RERE: variants seen among roughly 807,000 people sequenced by gnomAD.
RERE encodes the protein arginine-glutamic acid dipeptide repeats protein.
RERE carries 40 observed loss-of-function variants against 146.1 expected under a neutral mutation model. The ratio of observed to expected loss-of-function variants is 0.27; its 90% CI spans 0.21 to 0.36. The LOEUF (loss-of-function observed/expected upper bound fraction) is 0.36. Ranked by LOEUF, RERE falls within the 10% of genes least tolerant of loss-of-function variation. The pLI is 1.00. For synonymous variants in RERE, 1,003 were observed against 866.0 expected (o/e 1.16, Z -2.78); for missense variants, 1,933 against 2,138.7 (o/e 0.90, Z 1.90).
chr1:8,783,811 C>T (rs890028709), intron 1 of RERE, among the ~76,000 whole-genome samples: 2 of 152,136 alleles, frequency 1.3e-5, no homozygotes, highest in Admixed American at 6.5e-5. Context: ...TGAACATCTA[C>T]CTCAGAAGTC....
At chr1:8,397,335 C>T (rs1183800712) in intron 12 of RERE, among the ~76,000 whole-genome samples, 1 of 145,908 alleles carries the variant, frequency 6.9e-6, no homozygotes, top group East Asian at 1.9e-4. Context: ...TCAATCACTG[C>T]TGCCTTATTC....
intron 4 of RERE, among the ~76,000 whole-genome samples, chr1:8,558,147 G>C (rs897068424): frequency 2.2e-4 from 33 of 152,222 alleles, no homozygotes; most frequent in African/African-American, 7.0e-4. Context: ...CGAATCTCCA[G>C]ATAATAGAAC....
At chr1:8,574,339 T>TA (rs1646261579) in intron 4 of RERE, among the ~76,000 whole-genome samples, 2 of 111,040 alleles carry the variant, frequency 1.8e-5, no homozygotes, top group African/African-American at 7.0e-5. Flanking sequence ...CTATATATAG[T>TA]CTTTTTTTTT....
chr1:8,522,366 A>C (rs1220684860), intron 7 of RERE, among the ~76,000 whole-genome samples: 1 of 152,232 alleles, frequency 6.6e-6, no homozygotes, highest in Non-Finnish European at 1.5e-5. Flanking sequence ...AACAAACAAA[A>C]AGTACCTGGC....
intron 1 of RERE, among the ~76,000 whole-genome samples, chr1:8,775,700 GTAAC>G (rs1358357132): frequency 1.3e-5 from 2 of 148,750 alleles, no homozygotes; most frequent in African/African-American, 2.4e-5. Flanking sequence ...TAGGAAACAA[GTAAC>G]TAACATAAAA....
intron 7 of RERE, among the ~76,000 whole-genome samples, chr1:8,523,657 C>T (rs1020833390): frequency 2.0e-5 from 1 of 49,098 alleles, no homozygotes; most frequent in Non-Finnish European, 4.2e-5. Flanking sequence ...GAAATACATA[C>T]CACACTCATT....
chr1:8,540,528 T>C (rs993094522), intron 7 of RERE, among the ~76,000 whole-genome samples: 9 of 152,312 alleles, frequency 5.9e-5, no homozygotes, highest in East Asian at 5.8e-4. Flanking sequence ...TAATAAAATA[T>C]GCAGTCACAT....
chr1:8,450,790 T>A (rs576634740), intron 11 of RERE, among the ~76,000 whole-genome samples: 1 of 152,162 alleles, frequency 6.6e-6, no homozygotes, highest in Admixed American at 6.5e-5. Context: ...ATCTCCTTCT[T>A]ATCCTGTGAC....
At chr1:8,783,100 G>A (rs939222456) in intron 1 of RERE, among the ~76,000 whole-genome samples, 3 of 152,090 alleles carry the variant, frequency 2.0e-5, no homozygotes, top group Admixed American at 1.3e-4. Flanking sequence ...TGGGGAGGGC[G>A]AGACAAGAGG....
intron 1 of RERE, among the ~76,000 whole-genome samples, chr1:8,677,450 A>G (rs1638867802): frequency 1.3e-5 from 2 of 149,818 alleles, no homozygotes; most frequent in South Asian, 2.1e-4. Context: ...AGAAAGAAAG[A>G]AAAGAAAAAA....
At chr1:8,475,375 A>T (rs1341821012) in intron 10 of RERE, among the ~76,000 whole-genome samples, 4 of 23,584 alleles carry the variant, frequency 1.7e-4, no homozygotes, top group Non-Finnish European at 3.0e-4. Context: ...TTCTGTCTTA[A>T]AAAAAAAAAA....
chr1:8,465,807 G>A (rs754305234), intron 11 of RERE, 118 bp downstream of exon 11: 23 of 816,318 alleles, frequency 2.8e-5, no homozygotes, highest in Admixed American at 7.8e-5. Flanking sequence ...GCGCTGCCAC[G>A]GACAGCCATT....
At position 8,361,083 on chromosome 1, in the gene RERE, G is replaced by A. The variant is rs199944381; in HGVS notation, c.2424C>T (p.Pro808=). 6.9e-7 allele frequency: 1 copy of A among 1,439,926 alleles called. No individual in the cohort carries two copies. Among genetic ancestry groups the A allele is most frequent in the East Asian group, 2.5e-5 (1 of 39,760 alleles). 89.2% of individuals were successfully genotyped at this position (1,439,926 alleles called of 1,614,324 possible). A position where few individuals can be genotyped will look rare whatever the true frequency, so the allele number is the denominator to read the frequency against. The stretch of plus-strand genomic sequence containing the variant: ...GGGGATGCGGTGAGGGCGGCCGCTG[G>A]GGGTGCAAGGCCGGTGCCTGTTGGA... ...THIQQAPALH[P]QRPPSPHPPP... Residue 808 remains proline, a synonymous_variant, in exon 18 of 23, where the codon CCC becomes CCT. Coordinates refer to ENST00000400908, the MANE Select transcript of RERE (RefSeq NM_001042681.2).
At chr1:8,659,331 C>G (rs1213076615) in intron 1 of RERE, among the ~76,000 whole-genome samples, 1 of 152,168 alleles carries the variant, frequency 6.6e-6, no homozygotes, top group South Asian at 2.1e-4. Flanking sequence ...CTGAAGCGGG[C>G]GGATCACCTG....
chr1:8,521,860 A>G (rs1456192919), intron 7 of RERE, among the ~76,000 whole-genome samples: 2 of 152,194 alleles, frequency 1.3e-5, no homozygotes, highest in Non-Finnish European at 2.9e-5. Flanking sequence ...ACTCTACTAG[A>G]AATGGAGACC....
chr1:8,707,360 T>C (rs1639578349), intron 1 of RERE, among the ~76,000 whole-genome samples: 1 of 152,162 alleles, frequency 6.6e-6, no homozygotes. Flanking sequence ...AGGGGAACCT[T>C]AGCAATAGCT....
intron 1 of RERE, among the ~76,000 whole-genome samples, chr1:8,726,673 A>T (rs1639975468): frequency 6.6e-6 from 1 of 152,150 alleles, no homozygotes; most frequent in South Asian, 2.1e-4. Context: ...TTGCCAGGAG[A>T]AGCATGAACA....
intron 1 of RERE, among the ~76,000 whole-genome samples, chr1:8,725,731 C>T (rs540899850): frequency 6.6e-6 from 1 of 152,080 alleles, no homozygotes; most frequent in Admixed American, 6.6e-5. Flanking sequence ...CTTTCCAAAC[C>T]ATATTTGATG....
At chr1:8,428,752 T>C (rs1340502715) in intron 11 of RERE, among the ~76,000 whole-genome samples, 7 of 152,202 alleles carry the variant, frequency 4.6e-5, no homozygotes, top group Non-Finnish European at 1.0e-4. Flanking sequence ...ACATGGCTGT[T>C]TAGACCTAGC....
Sources: gnomAD v4.1 joint callset for allele counts (sites outside exome capture counted in the v4.1 genomes callset) on GRCh38, gnomAD v4.1.1 for gene constraint, MANE v1.5 for transcripts, NCBI Gene and HGNC (gene_info 2026-07-23, HGNC 2026-07-21) for gene names.